GRM8: variants seen among roughly 807,000 people sequenced by gnomAD.
The protein encoded by GRM8 is metabotropic glutamate receptor 8.
GRM8 carries 47 observed loss-of-function variants against 87.2 expected under a neutral mutation model. The observed-to-expected ratio is 0.54, with a 90% CI of 0.43 to 0.69. GRM8 has a LOEUF of 0.69. Among genes scored for constraint, GRM8 ranks in the 30% least tolerant of loss-of-function variants. The probability of loss-of-function intolerance (pLI) is 0.00; values close to 1 mark genes in which losing one functional copy is unlikely to be tolerated. For synonymous variants in GRM8, 396 were observed against 404.5 expected (o/e 0.98, Z 0.25); for missense variants, 1,019 against 1,139.2 (o/e 0.89, Z 1.52).
intron 2 of GRM8, among the ~76,000 whole-genome samples, chr7:127,184,404 A>G (rs1014019139): frequency 4.6e-5 from 7 of 151,948 alleles, no homozygotes; most frequent in African/African-American, 1.7e-4. Flanking sequence ...AAAAAAAGCA[A>G]TATTACATTA....
chr7:126,547,955 G>T (rs979069431), intron 8 of GRM8, among the ~76,000 whole-genome samples: 1 of 151,942 alleles, frequency 6.6e-6, no homozygotes, highest in Admixed American at 6.6e-5. Flanking sequence ...GAAGGAAGAG[G>T]GGGAGTTGGC....
chr7:127,124,696 A>G (rs966359673), intron 2 of GRM8, among the ~76,000 whole-genome samples: 2 of 152,144 alleles, frequency 1.3e-5, no homozygotes, highest in African/African-American at 4.8e-5. Flanking sequence ...GAAATTTTAA[A>G]TTTACCTTAA....
chr7:127,175,528 G>GCATATGCA (rs1304760598), intron 2 of GRM8, among the ~76,000 whole-genome samples: 1 of 152,126 alleles, frequency 6.6e-6, no homozygotes, highest in African/African-American at 2.4e-5. Context: ...TAAACTACTT[G>GCATATGCA]TAGGCATAGC....
At position 126,802,783 on chromosome 7, in the gene GRM8, C is replaced by T. The variant is rs552441200; in HGVS notation, c.1157-32718G>A. ...CATGCCACAAACTGGAATAAAACCA[C>T]AAAATTAAAGTTTTAAATTAGGAAA... On this transcript the variant is annotated intron_variant, in intron 6 of 10. Transcript: ENST00000339582. Among the ~76,000 whole-genome samples, 5 of 152,234 alleles carry T rather than the reference C, an allele frequency of 3.3e-5. No individual in the cohort carries two copies. In the South Asian group the frequency reaches 1.0e-3, roughly 32 times the overall value.
chr7:126,912,038 C>CA (rs538760919), intron 3 of GRM8, among the ~76,000 whole-genome samples: 1,880 of 150,990 alleles, frequency 0.012, 33 homozygotes, highest in African/African-American at 0.043. Context: ...ACTAAAAATA[C>CA]AAAAAAAAAT....
At chr7:126,607,458 C>CA (rs11335465) in intron 8 of GRM8, among the ~76,000 whole-genome samples, 1 of 150,840 alleles carries the variant, frequency 6.6e-6, no homozygotes, top group Admixed American at 6.6e-5. Flanking sequence ...AAATACAAAA[C>CA]AAAAAAAAAT....
intron 3 of GRM8, among the ~76,000 whole-genome samples, chr7:126,980,442 T>C (rs1457881007): frequency 1.3e-5 from 2 of 152,228 alleles, no homozygotes; most frequent in Non-Finnish European, 2.9e-5. Flanking sequence ...TTTCTCTTGA[T>C]TTTCTTCAGA....
intron 9 of GRM8, among the ~76,000 whole-genome samples, chr7:126,452,496 G>A (rs957491645): frequency 6.6e-6 from 1 of 151,212 alleles, no homozygotes; most frequent in Non-Finnish European, 1.5e-5. Flanking sequence ...TTTTGAGTTG[G>A]TGTGAGTTCA....
intron 3 of GRM8, among the ~76,000 whole-genome samples, chr7:126,936,657 T>C (rs1392236589): frequency 6.6e-6 from 1 of 152,160 alleles, no homozygotes; most frequent in East Asian, 1.9e-4. Flanking sequence ...AGGACAATGT[T>C]CACCCTCCAC....
intron 6 of GRM8, among the ~76,000 whole-genome samples, chr7:126,856,616 T>C (rs544452173): frequency 6.6e-6 from 1 of 152,318 alleles, no homozygotes; most frequent in East Asian, 1.9e-4. Context: ...TCCCATGATG[T>C]AGATAAAGCA....
intron 2 of GRM8, among the ~76,000 whole-genome samples, chr7:127,220,687 G>A (rs17864164): frequency 0.15 from 22,791 of 152,008 alleles, 2,156 homozygotes; most frequent in Non-Finnish European, 0.2. Flanking sequence ...CAATGTCTCA[G>A]TATGTTGCCC....
intron 3 of GRM8, among the ~76,000 whole-genome samples, chr7:126,942,247 G>A (rs561855141): frequency 1.3e-5 from 2 of 152,266 alleles, no homozygotes; most frequent in South Asian, 2.1e-4. Flanking sequence ...AAAACTGCCC[G>A]ATAATGAAAT....
chr7:126,998,776 A>G (rs779392760), intron 3 of GRM8, among the ~76,000 whole-genome samples: 4 of 151,836 alleles, frequency 2.6e-5, no homozygotes, highest in African/African-American at 9.7e-5. Context: ...AAAAAAATGA[A>G]GACATTCCAT....
chr7:126,904,955 T>G (rs558118328), intron 3 of GRM8, among the ~76,000 whole-genome samples: 3 of 152,284 alleles, frequency 2.0e-5, no homozygotes, highest in Non-Finnish European at 4.4e-5. Context: ...GTATAAGATG[T>G]GTGATGAGAG....
intron 3 of GRM8, among the ~76,000 whole-genome samples, chr7:126,999,731 C>G (rs544128336): frequency 6.6e-6 from 1 of 151,554 alleles, no homozygotes; most frequent in African/African-American, 2.4e-5. Context: ...AAAAGACAAG[C>G]AGTAACAAAT....
intron 3 of GRM8, among the ~76,000 whole-genome samples, chr7:126,957,459 G>T (rs950834504): frequency 3.3e-5 from 5 of 152,156 alleles, no homozygotes; most frequent in African/African-American, 1.2e-4. Context: ...GCTCCAGACT[G>T]GGCATCCCTG....
intron 8 of GRM8, among the ~76,000 whole-genome samples, chr7:126,576,309 G>T (rs2237744): frequency 6.6e-6 from 1 of 151,854 alleles, no homozygotes; most frequent in African/African-American, 2.4e-5. Context: ...TTGAGGCAGG[G>T]TCTCACTCTG....
intron 8 of GRM8, among the ~76,000 whole-genome samples, chr7:126,553,900 G>T (rs1174556101): frequency 6.6e-6 from 1 of 152,110 alleles, no homozygotes; most frequent in Non-Finnish European, 1.5e-5. Context: ...ATTTCCAGTG[G>T]CAGGGCAGTT....
At chr7:126,968,957 G>C (rs2131746562) in intron 3 of GRM8, among the ~76,000 whole-genome samples, 2 of 152,236 alleles carry the variant, frequency 1.3e-5, no homozygotes, top group Non-Finnish European at 2.9e-5. Flanking sequence ...AGTGAATATT[G>C]CAATAAAGTG....
Sources: gnomAD v4.1 joint callset for allele counts (sites outside exome capture counted in the v4.1 genomes callset) on GRCh38, gnomAD v4.1.1 for gene constraint, MANE v1.5 for transcripts, NCBI Gene and HGNC (gene_info 2026-07-23, HGNC 2026-07-21) for gene names.